NRG1: variants seen among roughly 807,000 people sequenced by gnomAD.
The protein encoded by NRG1 is neuregulin 1.
NRG1 carries 18 observed loss-of-function variants against 63.8 expected under a neutral mutation model. The observed-to-expected ratio is 0.28, with a 90% CI of 0.19 to 0.42. The LOEUF is 0.42. Ranked by LOEUF, NRG1 falls within the 10% of genes least tolerant of loss-of-function variation. NRG1 has a pLI of 1.00. For missense variants in NRG1, 762 were observed against 814.7 expected (o/e 0.94, Z 0.79); for synonymous variants, 302 against 301.3 (o/e 1.00, Z -0.02).
At chr8:32,490,362 G>A (rs1348293289) in intron 1 of NRG1, among the ~76,000 whole-genome samples, 1 of 151,900 alleles carries the variant, frequency 6.6e-6, no homozygotes, top group African/African-American at 2.4e-5. Flanking sequence ...GCCTGGGGGT[G>A]TAGCTCAGCT....
chr8:32,303,989 A>G (rs1412435643), intron 1 of NRG1, among the ~76,000 whole-genome samples: 1 of 152,254 alleles, frequency 6.6e-6, no homozygotes, highest in Non-Finnish European at 1.5e-5. Context: ...GATCATCTGA[A>G]CTGTGAAATT....
At chr8:32,062,806 A>G (rs1335505342) in intron 1 of NRG1, among the ~76,000 whole-genome samples, 1 of 152,092 alleles carries the variant, frequency 6.6e-6, no homozygotes, top group Non-Finnish European at 1.5e-5. Context: ...TATCAAAGTC[A>G]TTTGATAACC....
intron 1 of NRG1, among the ~76,000 whole-genome samples, chr8:31,890,368 T>C (rs1831052973): frequency 6.6e-6 from 1 of 152,182 alleles, no homozygotes. Context: ...ACCCACGGAA[T>C]TTTAAAGTTT....
At chr8:31,867,345 G>C (rs1475774407) in intron 1 of NRG1, among the ~76,000 whole-genome samples, 1 of 152,062 alleles carries the variant, frequency 6.6e-6, no homozygotes, top group African/African-American at 2.4e-5. Context: ...TTATTAATTT[G>C]GTTTAAGGGT....
intron 1 of NRG1, among the ~76,000 whole-genome samples, chr8:32,325,064 C>T (rs1801832682): frequency 1.3e-5 from 2 of 152,278 alleles, no homozygotes; most frequent in African/African-American, 4.8e-5. Context: ...ATTTTATTGT[C>T]ATCGCCATCC....
chr8:32,503,288 G>GAAAAAAAAAAAAAAAAAAAAA (rs60857610), intron 1 of NRG1, among the ~76,000 whole-genome samples: 1 of 54,862 alleles, frequency 1.8e-5, no homozygotes. Flanking sequence ...CTCTGTCTCA[G>GAAAAAAAAAAAAAAAAAAAAA]AAAAAAAAAA....
chr8:31,880,312 T>C (rs998085601), intron 1 of NRG1, among the ~76,000 whole-genome samples: 1 of 152,152 alleles, frequency 6.6e-6, no homozygotes. Flanking sequence ...CCAGCCACCA[T>C]TTTAGCTTTT....
intron 1 of NRG1, among the ~76,000 whole-genome samples, chr8:32,412,458 A>ATG (rs1815212723): frequency 3.7e-5 from 2 of 54,244 alleles, no homozygotes; most frequent in Non-Finnish European, 9.6e-5. Context: ...ATATACATAT[A>ATG]TATATATATA....
chr8:32,174,415 T>C (rs1373746524), intron 1 of NRG1, among the ~76,000 whole-genome samples: 4 of 151,748 alleles, frequency 2.6e-5, no homozygotes, highest in Non-Finnish European at 4.4e-5. Flanking sequence ...AACATCACAA[T>C]TAAAAGAACT....
chr8:32,729,910 C>T (rs1036117617), intron 6 of NRG1, among the ~76,000 whole-genome samples: 17 of 152,138 alleles, frequency 1.1e-4, no homozygotes, highest in African/African-American at 4.1e-4. Flanking sequence ...TTGTTGCACT[C>T]TAAAGCTCTT....
At chr8:32,221,056 C>T (rs1278532788) in intron 1 of NRG1, 1 of 151,950 alleles carries the variant, frequency 6.6e-6, no homozygotes, top group African/African-American at 2.4e-5. Flanking sequence ...AATTCTTCTA[C>T]GGAGTTTTAA....
At chr8:31,803,925 T>A (rs567655246) in intron 1 of NRG1, among the ~76,000 whole-genome samples, 3 of 152,190 alleles carry the variant, frequency 2.0e-5, no homozygotes, top group Non-Finnish European at 4.4e-5. Context: ...CTCTGTTTGG[T>A]GTTCTCTTCT....
chr8:32,157,792 A>G (rs1328957865), intron 1 of NRG1, among the ~76,000 whole-genome samples: 1 of 151,992 alleles, frequency 6.6e-6, no homozygotes, highest in Admixed American at 6.6e-5. Flanking sequence ...ATTGCTATAA[A>G]TTCAAATAAG....
rs1806777360 is a variant in NRG1, at chr8:31,668,453, CT to C, written c.37+29025del. ...GGGATATCTCTTTGTCTTGGATTTC[CT>C]TTATATTGTGTGTCAAAATGGACAG... On this transcript the variant is annotated intron_variant, in intron 1 of 10. Coordinates refer to the NRG1 transcript ENST00000519301. 3.9e-5 allele frequency among the ~76,000 whole-genome samples: 6 copies of C among 152,200 alleles called. No homozygotes were observed. In the South Asian group the frequency reaches 1.2e-3, roughly 32 times the overall value.
rs753667074 is a variant in NRG1, at chr8:32,259,970, G to A, written c.38-335858G>A. Among the ~76,000 whole-genome samples the A allele has an allele frequency of 5.8e-4, 88 of 151,898 alleles. 2 individuals carry two copies. Among genetic ancestry groups the A allele is most frequent in the Non-Finnish European group, 1.0e-4 (7 of 67,978 alleles). On this transcript the variant is annotated intron_variant, in intron 1 of 10. Coordinates refer to the NRG1 transcript ENST00000519301. ...AAGTTCTGGGACTTGGCTGTCAACC[G>A]AATCTTGAACTTGGTAATTAAATTG... is the stretch of plus-strand genomic sequence containing the variant.
intron 1 of NRG1, among the ~76,000 whole-genome samples, chr8:31,763,904 C>T (rs1358348492): frequency 6.6e-6 from 1 of 151,018 alleles, no homozygotes; most frequent in Non-Finnish European, 1.5e-5. Context: ...GAGCCAAGAT[C>T]GCGCCACCAC....
intron 5 of NRG1, among the ~76,000 whole-genome samples, chr8:32,680,520 A>G (rs2976514): frequency 0.56 from 84,435 of 152,006 alleles, 23,748 homozygotes; most frequent in Middle Eastern, 0.63. Context: ...TTCTGTGAAC[A>G]TGGAGATTTA....
intron 1 of NRG1, among the ~76,000 whole-genome samples, chr8:31,980,679 T>C (rs970942704): frequency 1.3e-5 from 2 of 152,040 alleles, no homozygotes; most frequent in South Asian, 2.1e-4. Context: ...GGTTTAGGTC[T>C]AGATTAGATA....
intron 1 of NRG1, among the ~76,000 whole-genome samples, chr8:32,504,124 C>T (rs191700618): frequency 6.6e-6 from 1 of 152,302 alleles, no homozygotes; most frequent in East Asian, 1.9e-4. Context: ...TTACCCAACT[C>T]CTGCGATCTT....
Sources: allele counts gnomAD v4.1 joint callset (sites outside exome capture counted in the v4.1 genomes callset), GRCh38; gene constraint gnomAD v4.1.1; transcripts MANE v1.5; gene names NCBI Gene and HGNC (gene_info 2026-07-23, HGNC 2026-07-21).